The following ARHGEF10 variants were observed in gnomAD, a reference collection of about 807,000 sequenced individuals.
ARHGEF10 encodes Rho guanine nucleotide exchange factor 10, also known as Rho guanine nucleotide exchange factor (GEF) 10.
In ARHGEF10, 140 loss-of-function variants were observed where a neutral mutation model predicts 147.4. The ratio of observed to expected loss-of-function variants is 0.95; its 90% CI spans 0.83 to 1.09. ARHGEF10 has a LOEUF of 1.09. Ranked by LOEUF, ARHGEF10 falls within the 50% of genes least tolerant of loss-of-function variation. ARHGEF10 has a pLI of 0.00. For synonymous variants in ARHGEF10, 902 were observed against 695.8 expected (o/e 1.30, Z -4.67); for missense variants, 2,222 against 1,752.7 (o/e 1.27, Z -4.78).
intron 1 of ARHGEF10, among the ~76,000 whole-genome samples, chr8:1,837,751 T>C (rs1038894203): frequency 3.3e-5 from 5 of 152,160 alleles, no homozygotes; most frequent in African/African-American, 1.2e-4. Context: ...GGGAGGGCGC[T>C]GATTTTCTCT....
chr8:1,824,529 G>A (rs961321211), intron 1 of ARHGEF10, among the ~76,000 whole-genome samples: 1 of 151,650 alleles, frequency 6.6e-6, no homozygotes, highest in Admixed American at 6.6e-5. Flanking sequence ...AAGGAAAGCC[G>A]GCGTCTTTCC....
chr8:1,907,482 G>A (rs1038133596), intron 17 of ARHGEF10, among the ~76,000 whole-genome samples: 38 of 152,158 alleles, frequency 2.5e-4, no homozygotes, highest in African/African-American at 8.4e-4. Context: ...GGTCCTTGTT[G>A]AGTCTTTTCC....
chr8:1,850,026 A>ACG (rs1325776513), intron 2 of ARHGEF10, among the ~76,000 whole-genome samples: 31 of 23,550 alleles, frequency 1.3e-3, no homozygotes, highest in African/African-American at 1.8e-3. Context: ...GGCCGGCTGC[A>ACG]TGGACACAGA....
intron 7 of ARHGEF10, chr8:1,869,518 G>T (rs1806910774): frequency 1.7e-6 from 1 of 593,594 alleles, no homozygotes; most frequent in Admixed American, 2.6e-5. Flanking sequence ...CGGCAAAGAG[G>T]TAGGAAACAC....
intron 26 of ARHGEF10, among the ~76,000 whole-genome samples, chr8:1,944,949 A>G (rs972052447): frequency 6.6e-6 from 1 of 152,234 alleles, no homozygotes; most frequent in African/African-American, 2.4e-5. Context: ...GGCCGCTGGG[A>G]TGCACTTTCG....
intron 10 of ARHGEF10, 56 bp from the exon 11 acceptor site, chr8:1,885,545 T>G: frequency 1.6e-6 from 2 of 1,214,618 alleles, no homozygotes; most frequent in South Asian, 1.2e-5. Context: ...TGTACTGTAG[T>G]GTTGTGAATA....
At chr8:1,845,570 G>A (rs55865121) in intron 2 of ARHGEF10, among the ~76,000 whole-genome samples, 21,498 of 152,162 alleles carry the variant, frequency 0.14, 1,914 homozygotes, top group African/African-American at 0.25. Context: ...TCAGAATCCC[G>A]TGGCAGATGG....
chr8:1,870,340 G>C (rs939038712), intron 7 of ARHGEF10: 3 of 147,976 alleles, frequency 2.0e-5, no homozygotes, highest in Admixed American at 1.4e-4. Flanking sequence ...GAAACCAGTA[G>C]TGCAAAACCC....
intron 9 of ARHGEF10, 151 bp downstream of exon 9, chr8:1,880,315 G>A (rs1363825333): frequency 1.9e-5 from 13 of 671,998 alleles, no homozygotes; most frequent in Non-Finnish European, 3.5e-5. Context: ...GGCTCACGTG[G>A]ACTCTGAGAC....
intron 27 of ARHGEF10, among the ~76,000 whole-genome samples, chr8:1,950,884 C>G (rs1034211778): frequency 1.3e-5 from 2 of 152,022 alleles, no homozygotes; most frequent in Non-Finnish European, 2.9e-5. Flanking sequence ...CCGGCCTACC[C>G]TTTTTATTAA....
At position 1,931,826 on chromosome 8, in the gene ARHGEF10, C is replaced by G. The variant is rs192492822; in HGVS notation, c.3080-1974C>G. 1.3e-3 allele frequency among the ~76,000 whole-genome samples: 195 copies of G among 152,310 alleles called. 1 individual carries two copies. Among genetic ancestry groups the G allele is most frequent in the African/African-American group, 4.5e-3 (186 of 41,568 alleles). On this transcript the variant is annotated intron_variant, in intron 25 of 28. Coordinates refer to ENST00000349830, the MANE Select transcript of ARHGEF10 (RefSeq NM_014629.4). ...TTGGGATCCTGCTGAGGGCTCTGGC[C>G]TGGGACACATACACAGGGAGAAGTC...
intron 7 of ARHGEF10, among the ~76,000 whole-genome samples, chr8:1,874,257 T>G (rs4875947): frequency 0.64 from 97,216 of 151,576 alleles, 31,555 homozygotes; most frequent in African/African-American, 0.75. Flanking sequence ...AAACCACCCG[T>G]TTTTCACACA....
At chr8:1,833,720 C>G (rs1803411318) in intron 1 of ARHGEF10, among the ~76,000 whole-genome samples, 1 of 152,208 alleles carries the variant, frequency 6.6e-6, no homozygotes, top group African/African-American at 2.4e-5. Context: ...TTCCTGAACC[C>G]TTTCCAGCAA....
chr8:1,851,454 G>C (rs117262290), intron 2 of ARHGEF10, among the ~76,000 whole-genome samples: 2,184 of 144,838 alleles, frequency 0.015, 86 homozygotes, highest in East Asian at 0.099. Flanking sequence ...ACGTACCTCA[G>C]TGTTGGCTTC....
chr8:1,864,526 C>G, intron 5 of ARHGEF10, 90 bp downstream of exon 5: 1 of 1,347,976 alleles, frequency 7.4e-7, no homozygotes. Context: ...TCCCTGCCCG[C>G]CATCCTCAGC....
chr8:1,941,327 T>C (rs928673440), intron 26 of ARHGEF10, among the ~76,000 whole-genome samples: 1 of 152,124 alleles, frequency 6.6e-6, no homozygotes, highest in African/African-American at 2.4e-5. Flanking sequence ...GCAAACAACC[T>C]GAAAATGAGA....
rs752372411 is a variant in ARHGEF10, at chr8:1,857,941, T to C, written c.38-19T>C. 1.3e-6 allele frequency: 2 copies of C among 1,599,314 alleles called. No homozygotes were observed. The highest frequency in any genetic ancestry group is 1.7e-5 in the Admixed American group (1 of 59,974). On this transcript the variant is annotated intron_variant, in intron 2 of 28. Transcript: ENST00000349830. Reference sequence around the variant, plus strand: ...ATCTATCTATCTCTCCTTGATGTGGTTTTGGTTTTTCTTTTTAGAAAATGA... The same window carrying C: ...ATCTATCTATCTCTCCTTGATGTGGCTTTGGTTTTTCTTTTTAGAAAATGA...
intron 18 of ARHGEF10, among the ~76,000 whole-genome samples, chr8:1,918,793 TTCTATGGGTGATAGAGCTGCC>T: frequency 6.6e-6 from 1 of 152,254 alleles, no homozygotes; most frequent in Non-Finnish European, 1.5e-5. Flanking sequence ...ATCCCACATG[TTCTATGGGTGATAGAGCTGCC>T]TCTGTGGGTG....
At chr8:1,892,606 C>G (rs1231703829) in intron 11 of ARHGEF10, among the ~76,000 whole-genome samples, 1 of 151,432 alleles carries the variant, frequency 6.6e-6, no homozygotes, top group African/African-American at 2.4e-5. Context: ...CTGCAGGTAG[C>G]CTGATGCTAC....
Sources: gnomAD v4.1 joint callset for allele counts (sites outside exome capture counted in the v4.1 genomes callset) on GRCh38, gnomAD v4.1.1 for gene constraint, MANE v1.5 for transcripts, NCBI Gene and HGNC (gene_info 2026-07-23, HGNC 2026-07-21) for gene names.